RABEP1: variants seen among roughly 807,000 people sequenced by gnomAD.
RABEP1 encodes the protein rab GTPase-binding effector protein 1.
A neutral mutation model predicts 123.4 loss-of-function variants in RABEP1; 51 were observed. The observed-to-expected ratio is 0.41, with a 90% confidence interval of 0.33 to 0.52. The LOEUF is 0.52. Ranked by LOEUF, RABEP1 falls within the 20% of genes least tolerant of loss-of-function variation. RABEP1 has a pLI of 0.16. For missense variants in RABEP1, 888 were observed against 996.3 expected (o/e 0.89, Z 1.46); for synonymous variants, 347 against 355.2 (o/e 0.98, Z 0.26).
intron 1 of RABEP1, among the ~76,000 whole-genome samples, chr17:5,285,438 A>T (rs952717807): frequency 4.0e-5 from 6 of 151,624 alleles, no homozygotes; most frequent in African/African-American, 1.5e-4. Flanking sequence ...AGCCTACTTC[A>T]TTATTTTTTA....
At chr17:5,364,275 T>C (rs1011617100) in intron 10 of RABEP1, 2 of 152,116 alleles carry the variant, frequency 1.3e-5, no homozygotes, top group African/African-American at 2.4e-5. Flanking sequence ...AGAAAAAATA[T>C]ACAAAGAACA....
At chr17:5,376,202 T>G (rs973080829) in intron 13 of RABEP1, among the ~76,000 whole-genome samples, 6 of 152,180 alleles carry the variant, frequency 3.9e-5, no homozygotes, top group Non-Finnish European at 7.3e-5. Context: ...TTGCCTGTAA[T>G]CCCAGCACAT....
At chr17:5,306,991 A>G (rs2075184928) in intron 1 of RABEP1, among the ~76,000 whole-genome samples, 1 of 152,186 alleles carries the variant, frequency 6.6e-6, no homozygotes, top group African/African-American at 2.4e-5. Flanking sequence ...TCATTGTCAA[A>G]GGAATACATA....
At position 5,361,274 on chromosome 17, in the gene RABEP1, G is replaced by C. The variant is rs535929861; in HGVS notation, c.1162G>C (p.Asp388His). The C allele has an allele frequency of 6.2e-7, 1 of 1,614,190 alleles. No homozygotes were observed. Among genetic ancestry groups the C allele is most frequent in the South Asian group, 1.1e-5 (1 of 91,088 alleles). ...LDAGLLLPSG[D>H]PFSKSDNDMF... ...TGCAGGCTTGCTGTTGCCATCTGGA[G>C]ATCCTTTCAGTAAATCGGACAATGA... The change falls in exon 9 of 18, where the codon GAT becomes CAT. Residue 388 changes from aspartate (D) to histidine (H), a missense_variant. Coordinates refer to ENST00000537505, the MANE Select transcript of RABEP1 (RefSeq NM_004703.6).
chr17:5,307,144 C>G (rs1390589718), intron 1 of RABEP1, among the ~76,000 whole-genome samples: 1 of 152,128 alleles, frequency 6.6e-6, no homozygotes, highest in African/African-American at 2.4e-5. Context: ...CATGTGAAAC[C>G]CCGTCTCTAC....
At chr17:5,336,430 C>T (rs1907091517) in intron 4 of RABEP1, 2 of 463,180 alleles carry the variant, frequency 4.3e-6, no homozygotes, top group South Asian at 3.2e-5. Context: ...AACTGAAGTC[C>T]ATTTTTGTAT....
chr17:5,340,148 GGTTA>G (rs1472323850), intron 5 of RABEP1, among the ~76,000 whole-genome samples: 5 of 152,216 alleles, frequency 3.3e-5, no homozygotes, highest in African/African-American at 9.6e-5. Context: ...TGAACTATCA[GGTTA>G]GTTATTTAGT....
At chr17:5,361,874 G>A (rs1363339224) in intron 9 of RABEP1, 199 bp downstream of exon 9, 2 of 560,336 alleles carry the variant, frequency 3.6e-6, no homozygotes, top group Non-Finnish European at 6.3e-6. Flanking sequence ...AGAGAAAGGA[G>A]CTAGCTAGTT....
chr17:5,376,101 A>G (rs1910971279), intron 13 of RABEP1, among the ~76,000 whole-genome samples: 1 of 152,128 alleles, frequency 6.6e-6, no homozygotes, highest in Non-Finnish European at 1.5e-5. Context: ...TCGGCTTCCC[A>G]AAAGTGCTGG....
intron 2 of RABEP1, among the ~76,000 whole-genome samples, chr17:5,330,825 C>T (rs1053233857): frequency 3.3e-5 from 5 of 152,088 alleles, no homozygotes; most frequent in South Asian, 4.2e-4. Context: ...GAGGCCAAGA[C>T]CAGCCTGGGC....
In RABEP1 at chr17:5,308,835, G is replaced by T. The variant is rs778547640; in HGVS notation, c.163+13G>T. 13 of 1,586,902 alleles carry T rather than the reference G, an allele frequency of 8.2e-6. No homozygotes were observed. The highest frequency in any genetic ancestry group is 4.3e-6 in the Non-Finnish European group (5 of 1,166,766). ...TTGGCTAAAGAGGGTAAGTTCATAA[G>T]TCTCGCACCAACTTCAATGCGAAAA... On this transcript the variant is annotated intron_variant, in intron 2 of 17. Transcript: ENST00000537505.
chr17:5,342,495 G>A (rs1351447084), intron 5 of RABEP1, among the ~76,000 whole-genome samples: 2 of 152,090 alleles, frequency 1.3e-5, no homozygotes, highest in African/African-American at 4.8e-5. Context: ...AAAATTAGTC[G>A]AGCATGGTTG....
chr17:5,354,573 T>C, intron 8 of RABEP1, 83 bp downstream of exon 8: 1 of 1,321,876 alleles, frequency 7.6e-7, no homozygotes, highest in Non-Finnish European at 1.0e-6. Flanking sequence ...ATTACATTGT[T>C]CATATGAGAA....
At chr17:5,296,083 T>A (rs1176583187) in intron 1 of RABEP1, among the ~76,000 whole-genome samples, 1 of 152,178 alleles carries the variant, frequency 6.6e-6, no homozygotes, top group Admixed American at 6.6e-5. Flanking sequence ...CGGATTGCAT[T>A]AATGGATTTC....
intron 8 of RABEP1, among the ~76,000 whole-genome samples, chr17:5,360,118 C>G (rs774531919): frequency 1.4e-4 from 22 of 152,214 alleles, no homozygotes; most frequent in Non-Finnish European, 4.4e-5. Context: ...TTTGCCCTAG[C>G]CTCTAGTAAC....
At chr17:5,295,121 C>T (rs2144473867) in intron 1 of RABEP1, among the ~76,000 whole-genome samples, 1 of 151,896 alleles carries the variant, frequency 6.6e-6, no homozygotes, top group Admixed American at 6.6e-5. Context: ...GTGGCTTACA[C>T]CTGTAATCCC....
intron 2 of RABEP1, among the ~76,000 whole-genome samples, chr17:5,310,176 A>G (rs1214212319): frequency 3.9e-5 from 6 of 152,216 alleles, no homozygotes; most frequent in Non-Finnish European, 4.4e-5. Context: ...TGAACTCTGT[A>G]AAATATATAC....
chr17:5,373,979 G>C (rs1323956526), intron 13 of RABEP1, among the ~76,000 whole-genome samples: 1 of 151,974 alleles, frequency 6.6e-6, no homozygotes, highest in Non-Finnish European at 1.5e-5. Flanking sequence ...GTTTGAAGGG[G>C]TTACCATGCT....
At chr17:5,298,071 G>C (rs1334155641) in intron 1 of RABEP1, among the ~76,000 whole-genome samples, 1 of 152,058 alleles carries the variant, frequency 6.6e-6, no homozygotes, top group African/African-American at 2.4e-5. Flanking sequence ...TAAAAATTCT[G>C]TTCCCTCTCT....
Sources: allele counts gnomAD v4.1 joint callset (sites outside exome capture counted in the v4.1 genomes callset), GRCh38; gene constraint gnomAD v4.1.1; transcripts MANE v1.5; gene names NCBI Gene and HGNC (gene_info 2026-07-23, HGNC 2026-07-21).